The following CTNNA3 variants were observed in gnomAD, a reference collection of about 807,000 sequenced individuals.
CTNNA3 encodes the protein catenin alpha 3.
In CTNNA3, 76 loss-of-function variants were observed where a neutral mutation model predicts 95.7. The ratio of observed to expected loss-of-function variants is 0.79; its 90% confidence interval spans 0.66 to 0.96. The LOEUF (loss-of-function observed/expected upper bound fraction) is 0.96. CTNNA3 is among the 40% of genes least tolerant of loss of function. The probability of loss-of-function intolerance (pLI) is 0.00; values close to 1 mark genes in which losing one functional copy is unlikely to be tolerated. For synonymous variants in CTNNA3, 431 were observed against 374.4 expected (o/e 1.15, Z -1.74); for missense variants, 1,191 against 1,089.8 (o/e 1.09, Z -1.31).
intron 14 of CTNNA3, among the ~76,000 whole-genome samples, chr10:66,094,441 G>A (rs533753877): frequency 1.3e-5 from 2 of 152,148 alleles, no homozygotes; most frequent in African/African-American, 4.8e-5. Context: ...TATCACAGGA[G>A]CTTAAGTATG....
At chr10:66,333,336 G>A (rs2092354450) in intron 12 of CTNNA3, among the ~76,000 whole-genome samples, 2 of 151,930 alleles carry the variant, frequency 1.3e-5, no homozygotes, top group Non-Finnish European at 2.9e-5. Context: ...GTCAATTTTA[G>A]ATCTTTCCTG....
intron 5 of CTNNA3, among the ~76,000 whole-genome samples, chr10:67,496,940 A>T (rs532659978): frequency 1.2e-4 from 19 of 152,036 alleles, no homozygotes; most frequent in African/African-American, 2.7e-4. Flanking sequence ...ATCTTTTTTT[A>T]AAAAAATTAC....
chr10:66,779,087 T>C (rs1195096669), intron 7 of CTNNA3, among the ~76,000 whole-genome samples: 1 of 152,178 alleles, frequency 6.6e-6, no homozygotes, highest in African/African-American at 2.4e-5. Context: ...TAAGGTCTAA[T>C]TATGTCCCTC....
At position 67,038,534 on chromosome 10, in the gene CTNNA3, T is replaced by C. The variant is rs1374681588; in HGVS notation, c.1047+141783A>G. ...GAGGTTGATATATATTCTGATATCA[T>C]GGAAATTTCAATGGATTATAAAATC... On this transcript the variant is annotated intron_variant, in intron 7 of 17. Coordinates refer to ENST00000433211, the MANE Select transcript of CTNNA3 (RefSeq NM_013266.4). 2.6e-5 allele frequency among the ~76,000 whole-genome samples: 4 copies of C among 152,230 alleles called. No individual in the cohort carries two copies. The East Asian group carries it at 7.7e-4, about 29-fold the overall frequency.
intron 11 of CTNNA3, among the ~76,000 whole-genome samples, chr10:66,476,398 C>T (rs1214349673): frequency 3.9e-5 from 6 of 152,022 alleles, no homozygotes; most frequent in Admixed American, 1.3e-4. Flanking sequence ...AGAGACAGAA[C>T]ACAATTGACA....
At chr10:66,562,139 AC>A (rs1264195945) in intron 10 of CTNNA3, among the ~76,000 whole-genome samples, 1 of 152,132 alleles carries the variant, frequency 6.6e-6, no homozygotes, top group Non-Finnish European at 1.5e-5. Context: ...AAGACATAGG[AC>A]ATTGTGCATC....
intron 3 of CTNNA3, among the ~76,000 whole-genome samples, chr10:67,577,455 A>C (rs1259336259): frequency 6.6e-6 from 1 of 151,352 alleles, no homozygotes; most frequent in Non-Finnish European, 1.5e-5. Context: ...GGTTGTGAAA[A>C]TTTTCTCCCA....
intron 10 of CTNNA3, among the ~76,000 whole-genome samples, chr10:66,542,607 A>T (rs1233993190): frequency 6.6e-6 from 1 of 152,120 alleles, no homozygotes; most frequent in Non-Finnish European, 1.5e-5. Flanking sequence ...ATGAAGCTGG[A>T]AACCATCATT....
intron 5 of CTNNA3, among the ~76,000 whole-genome samples, chr10:67,268,335 A>C (rs1289229536): frequency 6.6e-6 from 1 of 150,486 alleles, no homozygotes; most frequent in African/African-American, 2.4e-5. Flanking sequence ...AAATTAAATT[A>C]AATTAAATTA....
At chr10:67,373,819 G>A (rs1261796762) in intron 5 of CTNNA3, among the ~76,000 whole-genome samples, 3 of 152,066 alleles carry the variant, frequency 2.0e-5, no homozygotes, top group Non-Finnish European at 4.4e-5. Flanking sequence ...TGGATGGGTG[G>A]GGTTGTATAG....
At chr10:67,497,236 T>C (rs1328558766) in intron 5 of CTNNA3, among the ~76,000 whole-genome samples, 2 of 152,206 alleles carry the variant, frequency 1.3e-5, no homozygotes, top group Non-Finnish European at 2.9e-5. Flanking sequence ...TCCAGCTTCA[T>C]CCATGTCCCT....
chr10:66,304,067 C>A (rs1159929076), intron 12 of CTNNA3, among the ~76,000 whole-genome samples: 1 of 151,754 alleles, frequency 6.6e-6, no homozygotes, highest in Non-Finnish European at 1.5e-5. Context: ...ATAAAAACAA[C>A]CCCAAAGAAA....
At chr10:66,457,143 T>C (rs1228379704) in intron 11 of CTNNA3, among the ~76,000 whole-genome samples, 1 of 152,098 alleles carries the variant, frequency 6.6e-6, no homozygotes, top group Non-Finnish European at 1.5e-5. Flanking sequence ...CAACTTGGTG[T>C]TAGTCTAAGA....
chr10:66,002,546 C>T (rs115607545), intron 15 of CTNNA3, among the ~76,000 whole-genome samples: 278 of 152,214 alleles, frequency 1.8e-3, no homozygotes, highest in African/African-American at 6.3e-3. Flanking sequence ...GTCTTAGTAG[C>T]TTAACACAAT....
chr10:67,084,767 T>C (rs1857214633), intron 7 of CTNNA3, among the ~76,000 whole-genome samples: 1 of 151,980 alleles, frequency 6.6e-6, no homozygotes, highest in African/African-American at 2.4e-5. Flanking sequence ...TAGAGAAGGC[T>C]GTATCGCATA....
intron 6 of CTNNA3, among the ~76,000 whole-genome samples, chr10:67,212,434 T>C (rs1478030921): frequency 1.3e-5 from 2 of 151,994 alleles, no homozygotes. Flanking sequence ...TGAATTCTTA[T>C]ACGGCTTGCT....
intron 16 of CTNNA3, among the ~76,000 whole-genome samples, chr10:65,987,271 T>C (rs574612314): frequency 6.6e-6 from 1 of 151,366 alleles, no homozygotes; most frequent in East Asian, 1.9e-4. Flanking sequence ...TACAGAATGA[T>C]AGAAGATATT....
At position 66,611,117 on chromosome 10, in the gene CTNNA3, G is replaced by A. The variant is rs563455090; in HGVS notation, c.1374+10575C>T. 5.9e-5 allele frequency among the ~76,000 whole-genome samples: 9 copies of A among 152,138 alleles called. 1 individual carries two copies. In the East Asian group the frequency reaches 1.5e-3, roughly 26 times the overall value. ...GTGGATCTCATGGAGGTAGAATGGC[G>A]GTTACCAGAGGCCGGAAAGAGAATA... is the stretch of plus-strand genomic sequence containing the variant. On this transcript the variant is annotated intron_variant, in intron 10 of 17. Transcript: ENST00000433211.
chr10:67,433,796 CCA>C (rs1846207571), intron 5 of CTNNA3, among the ~76,000 whole-genome samples: 2 of 152,056 alleles, frequency 1.3e-5, no homozygotes, highest in African/African-American at 4.8e-5. Context: ...TCCTTAGACA[CCA>C]CTTCGCACAA....
Sources: allele counts gnomAD v4.1 joint callset (sites outside exome capture counted in the v4.1 genomes callset), GRCh38; gene constraint gnomAD v4.1.1; transcripts MANE v1.5; gene names NCBI Gene and HGNC (gene_info 2026-07-23, HGNC 2026-07-21).